Variants in MGAT4C observed in about 807,000 individuals in gnomAD.
The protein encoded by MGAT4C is MGAT4 family member C, also known as alpha-1,3-mannosyl-glycoprotein 4-beta-N-acetylglucosaminyltransferase C.
In MGAT4C, 19 loss-of-function variants were observed where a neutral mutation model predicts 40.1. The ratio of observed to expected loss-of-function variants is 0.47; its 90% CI spans 0.33 to 0.70. The LOEUF is 0.70. MGAT4C is among the 30% of genes least tolerant of loss of function. MGAT4C has a pLI of 0.02. For synonymous variants in MGAT4C, 181 were observed against 187.1 expected (o/e 0.97, Z 0.27); for missense variants, 491 against 563.2 (o/e 0.87, Z 1.30).
chr12:86,371,056 T>G (rs987252150), intron 3 of MGAT4C, among the ~76,000 whole-genome samples: 1 of 152,058 alleles, frequency 6.6e-6, no homozygotes, highest in Non-Finnish European at 1.5e-5. Flanking sequence ...AAATTCATAC[T>G]GAGTCTTACA....
chr12:86,333,523 A>G (rs1172405309), intron 4 of MGAT4C, among the ~76,000 whole-genome samples: 1 of 152,192 alleles, frequency 6.6e-6, no homozygotes, highest in East Asian at 1.9e-4. Context: ...TCACAGGCCA[A>G]ACAGTGAGCA....
chr12:86,148,996 A>G (rs191722057), intron 1 of MGAT4C, among the ~76,000 whole-genome samples: 66 of 152,304 alleles, frequency 4.3e-4, no homozygotes, highest in South Asian at 2.3e-3. Flanking sequence ...TAGCCCTGAC[A>G]TGATATATCA....
intron 2 of MGAT4C, among the ~76,000 whole-genome samples, chr12:86,475,674 T>C (rs1957823805): frequency 6.6e-6 from 1 of 152,176 alleles, no homozygotes; most frequent in African/African-American, 2.4e-5. Context: ...TATTGTTCAA[T>C]GTCACTATAA....
At chr12:86,452,363 C>G (rs1267735276) in intron 2 of MGAT4C, among the ~76,000 whole-genome samples, 1 of 150,790 alleles carries the variant, frequency 6.6e-6, no homozygotes, top group African/African-American at 2.5e-5. Context: ...CTCCCCCACC[C>G]CACAACAGGC....
intron 1 of MGAT4C, among the ~76,000 whole-genome samples, chr12:86,774,979 A>T (rs949089960): frequency 2.0e-5 from 3 of 152,204 alleles, no homozygotes; most frequent in Non-Finnish European, 4.4e-5. Flanking sequence ...TATTAAGCAG[A>T]AATAATTGTT....
At chr12:86,137,331 T>C (rs572790018) in intron 1 of MGAT4C, among the ~76,000 whole-genome samples, 82 of 152,322 alleles carry the variant, frequency 5.4e-4, no homozygotes, top group African/African-American at 1.8e-3. Context: ...TCCTTTATCA[T>C]TGATTACTTG....
At chr12:86,771,382 T>C (rs1042292434) in intron 1 of MGAT4C, among the ~76,000 whole-genome samples, 27 of 152,254 alleles carry the variant, frequency 1.8e-4, no homozygotes, top group African/African-American at 6.0e-4. Flanking sequence ...GGGTTTTATG[T>C]AGAGGCTGGA....
intron 1 of MGAT4C, among the ~76,000 whole-genome samples, chr12:86,794,165 A>C (rs185286257): frequency 6.6e-6 from 1 of 151,932 alleles, no homozygotes; most frequent in Admixed American, 6.6e-5. Flanking sequence ...GAGTTATAAT[A>C]GATTTTATAA....
chr12:86,790,335 G>A (rs1565992232), intron 1 of MGAT4C, among the ~76,000 whole-genome samples: 1 of 152,020 alleles, frequency 6.6e-6, no homozygotes, highest in East Asian at 1.9e-4. Context: ...CATGAATCAT[G>A]TTTGCTGATA....
chr12:86,267,423 A>G (rs1952817100), intron 4 of MGAT4C, among the ~76,000 whole-genome samples: 1 of 152,166 alleles, frequency 6.6e-6, no homozygotes, highest in African/African-American at 2.4e-5. Flanking sequence ...ATCACTAGTA[A>G]AGCAATTACA....
chr12:86,037,207 T>G (rs1891322321), intron 2 of MGAT4C, among the ~76,000 whole-genome samples: 3 of 149,980 alleles, frequency 2.0e-5, no homozygotes, highest in African/African-American at 7.3e-5. Context: ...TGGCTAGCAG[T>G]CTATCGATTT....
At chr12:86,620,634 C>T (rs147077872) in intron 2 of MGAT4C, among the ~76,000 whole-genome samples, 81 of 152,134 alleles carry the variant, frequency 5.3e-4, no homozygotes, top group African/African-American at 1.8e-3. Context: ...TGATGGATAA[C>T]GCTACAAGCC....
chr12:86,744,101 G>A (rs913169406), intron 1 of MGAT4C, among the ~76,000 whole-genome samples: 124 of 151,618 alleles, frequency 8.2e-4, no homozygotes, highest in African/African-American at 2.9e-3. Flanking sequence ...AATTTACAGC[G>A]GGCTGAAGCT....
At chr12:86,026,723 T>C (rs1890276900) in intron 2 of MGAT4C, among the ~76,000 whole-genome samples, 1 of 151,936 alleles carries the variant, frequency 6.6e-6, no homozygotes, top group Admixed American at 6.6e-5. Flanking sequence ...TACAAGTAGT[T>C]CAGTGTTTAT....
At chr12:86,188,763 G>A (rs1889049575) in intron 1 of MGAT4C, among the ~76,000 whole-genome samples, 1 of 151,636 alleles carries the variant, frequency 6.6e-6, no homozygotes, top group Admixed American at 6.6e-5. Context: ...GGGACACTGT[G>A]AACTTTCGAT....
At chr12:86,558,185 G>T (rs1413692026) in intron 2 of MGAT4C, among the ~76,000 whole-genome samples, 4 of 152,032 alleles carry the variant, frequency 2.6e-5, no homozygotes, top group Admixed American at 2.0e-4. Context: ...AAAGAAAGAT[G>T]AAGCCTGCTT....
chr12:85,994,238 G>A (rs913435860), intron 2 of MGAT4C, among the ~76,000 whole-genome samples: 5 of 152,220 alleles, frequency 3.3e-5, no homozygotes, highest in African/African-American at 1.2e-4. Flanking sequence ...AGAGAATAAT[G>A]ACAGTCGTCT....
chr12:86,666,547 CT>C (rs1050948036), intron 2 of MGAT4C, among the ~76,000 whole-genome samples: 3 of 151,792 alleles, frequency 2.0e-5, no homozygotes, highest in East Asian at 1.9e-4. Flanking sequence ...CTTTATTAAT[CT>C]TTTTTTTCAC....
chr12:86,805,883 T>G (rs1360539420), intron 1 of MGAT4C, among the ~76,000 whole-genome samples: 1 of 151,918 alleles, frequency 6.6e-6, no homozygotes, highest in Non-Finnish European at 1.5e-5. Flanking sequence ...CCAGCATCTT[T>G]TATTTTTATT....
Sources: gnomAD v4.1 joint callset for allele counts (sites outside exome capture counted in the v4.1 genomes callset) on GRCh38, gnomAD v4.1.1 for gene constraint, MANE v1.5 for transcripts, NCBI Gene and HGNC (gene_info 2026-07-23, HGNC 2026-07-21) for gene names.